Variants in RBM33 observed in about 807,000 individuals in gnomAD.
The protein encoded by RBM33 is RNA binding motif protein 33, also known as RNA-binding protein 33.
Under a neutral mutation model 132.6 loss-of-function variants are expected in RBM33, and 28 were observed. That is an observed-to-expected ratio of 0.21 (90% CI 0.16 to 0.29). The LOEUF is 0.29. Ranked by LOEUF, RBM33 falls within the 10% of genes least tolerant of loss-of-function variation. The probability of loss-of-function intolerance (pLI) is 1.00; values close to 1 mark genes in which losing one functional copy is unlikely to be tolerated. For missense variants in RBM33, 1,291 were observed against 1,518.5 expected (o/e 0.85, Z 2.49); for synonymous variants, 634 against 593.0 (o/e 1.07, Z -1.01).
intron 16 of RBM33, among the ~76,000 whole-genome samples, chr7:155,769,516 A>G (rs544285397): frequency 1.3e-5 from 2 of 152,250 alleles, no homozygotes; most frequent in Admixed American, 6.5e-5. Flanking sequence ...GGGGGTAGGC[A>G]TGGAAATGTA....
intron 14 of RBM33, 90 bp from the exon 15 acceptor site, chr7:155,763,722 A>T (rs1293554937): frequency 2.5e-5 from 30 of 1,208,406 alleles, no homozygotes; most frequent in Non-Finnish European, 3.4e-5. Flanking sequence ...TTTGTGGGTG[A>T]ACACTGGCTG....
intron 14 of RBM33, among the ~76,000 whole-genome samples, chr7:155,752,858 C>G (rs1801728856): frequency 6.6e-6 from 1 of 152,170 alleles, no homozygotes; most frequent in Non-Finnish European, 1.5e-5. Flanking sequence ...CCCACGCACA[C>G]TGGTTCGTCC....
At chr7:155,690,103 C>CT (rs1311646280) in intron 5 of RBM33, among the ~76,000 whole-genome samples, 2 of 152,138 alleles carry the variant, frequency 1.3e-5, no homozygotes, top group Admixed American at 6.5e-5. Flanking sequence ...GTGTGGGAGT[C>CT]TAAGTCTCTT....
At chr7:155,701,992 G>A (rs891309695) in intron 6 of RBM33, among the ~76,000 whole-genome samples, 1 of 152,080 alleles carries the variant, frequency 6.6e-6, no homozygotes, top group Non-Finnish European at 1.5e-5. Flanking sequence ...GGCCTAGAAA[G>A]TTGTATTTCT....
intron 1 of RBM33, among the ~76,000 whole-genome samples, chr7:155,658,923 T>C (rs1798567033): frequency 6.6e-6 from 1 of 152,246 alleles, no homozygotes; most frequent in African/African-American, 2.4e-5. Flanking sequence ...AAGCAGTTTC[T>C]CCTCAGCTTT....
chr7:155,754,577 C>T (rs762974182), intron 14 of RBM33, among the ~76,000 whole-genome samples: 10 of 152,288 alleles, frequency 6.6e-5, no homozygotes, highest in South Asian at 6.2e-4. Context: ...TTTGTGCTGT[C>T]GAAATTGGAG....
At chr7:155,766,056 C>T (rs1306594683) in intron 15 of RBM33, among the ~76,000 whole-genome samples, 1 of 152,150 alleles carries the variant, frequency 6.6e-6, no homozygotes, top group Admixed American at 6.5e-5. Flanking sequence ...GCAGGTCCTG[C>T]TTAAACCAGC....
At chr7:155,701,095 T>C (rs1799948924) in intron 6 of RBM33, 151 bp downstream of exon 6, 7 of 672,504 alleles carry the variant, frequency 1.0e-5, no homozygotes, top group Non-Finnish European at 1.9e-5. Flanking sequence ...TGAGTGCTGT[T>C]TATGGTACTG....
At chr7:155,738,533 A>C in intron 11 of RBM33, 130 bp downstream of exon 11, 1 of 917,256 alleles carries the variant, frequency 1.1e-6, no homozygotes, top group Non-Finnish European at 1.6e-6. Context: ...TTAGTCTCAA[A>C]TGTACTGTTT....
chr7:155,767,709 T>G (rs1030741999), intron 16 of RBM33, among the ~76,000 whole-genome samples: 1 of 152,234 alleles, frequency 6.6e-6, no homozygotes, highest in Non-Finnish European at 1.5e-5. Flanking sequence ...AATGGAAAGT[T>G]AACCCAAAGC....
rs889246152 is a variant in RBM33 at position 155,711,255 on chromosome 7, G to A, written c.1001G>A (p.Ser334Asn). The A allele has an allele frequency of 1.9e-6, 3 of 1,599,830 alleles. No homozygotes were observed. The highest frequency in any genetic ancestry group is 2.6e-6 in the Non-Finnish European group (3 of 1,173,942). ...CCGCCTCAGCAGCAGCCGATCAGAA[G>A]CCTGTTCCAGCCGCAGCCGCTGCAG... ...PPPPQQQPIR[S>N]LFQPQPLQPL... The change falls in exon 8 of 18, where the codon AGC becomes AAC. Residue 334 changes from serine to asparagine, a missense_variant. Ser to Asn is a conservative substitution (Grantham distance 46, BLOSUM62 1). Transcript: ENST00000401878.
rs1414433530 is a variant in RBM33, at chr7:155,780,690, G to A, written c.*5649G>A. ...ACCTCCTGGCTTCAACTGGGTGAGG[G>A]CCGTATTCCTGCCACTCTGCTCCGC... On this transcript the variant is annotated 3_prime_UTR_variant, in exon 18 of 18. Transcript: ENST00000401878. 2.0e-5 allele frequency: 3 copies of A among 152,356 alleles called. No homozygotes were observed. The highest frequency in any genetic ancestry group is 4.1e-4 in the South Asian group (2 of 4,832). 9.4% of individuals were successfully genotyped at this position (152,356 alleles called of 1,614,324 possible). A position where few individuals can be genotyped will look rare whatever the true frequency, so the allele number is the denominator to read the frequency against.
At chr7:155,677,283 A>G (rs1223085725) in intron 3 of RBM33, among the ~76,000 whole-genome samples, 3 of 147,912 alleles carry the variant, frequency 2.0e-5, no homozygotes, top group Admixed American at 1.4e-4. Context: ...GCATTGGCTC[A>G]CTGCAACCTC....
Position 155,739,986 on chromosome 7 carries a change from G to A in RBM33, c.2009G>A (p.Ser670Asn). ...CAGACCGCTCAGCCTCAGGCCAGCA[G>A]CAGCCGGATGCAGTGCCCCCAGCGC... ...HVQTAQPQAS[S>N]SRMQCPQRQG... is the part of the protein sequence containing the mutation. Residue 670 changes from serine to asparagine, a missense_variant, in exon 12 of 18, where the codon AGC becomes AAC. Coordinates refer to ENST00000401878, the MANE Select transcript of RBM33 (RefSeq NM_053043.3). 3 of 1,563,800 alleles carry A rather than the reference G, an allele frequency of 1.9e-6. No homozygotes were observed. The highest frequency in any genetic ancestry group is 2.6e-6 in the Non-Finnish European group (3 of 1,152,442).
At chr7:155,648,969 A>G (rs1238631716) in intron 1 of RBM33, among the ~76,000 whole-genome samples, 2 of 152,100 alleles carry the variant, frequency 1.3e-5, no homozygotes, top group Admixed American at 1.3e-4. Flanking sequence ...TGTGATCATA[A>G]TGTGTTTCTG....
At chr7:155,701,257 A>G (rs747134200) in intron 6 of RBM33, 67 of 458,826 alleles carry the variant, frequency 1.5e-4, no homozygotes, top group Non-Finnish European at 2.2e-4. Context: ...AAAAGGTGGC[A>G]TGGGGATGGT....
At chr7:155,679,044 C>T (rs746272532) in intron 4 of RBM33, among the ~76,000 whole-genome samples, 4 of 152,092 alleles carry the variant, frequency 2.6e-5, no homozygotes, top group Admixed American at 6.6e-5. Context: ...TAGTGGCCCG[C>T]GCCTATAGTC....
intron 2 of RBM33, among the ~76,000 whole-genome samples, chr7:155,669,855 C>T (rs566543043): frequency 2.4e-4 from 37 of 152,262 alleles, no homozygotes; most frequent in Non-Finnish European, 4.0e-4. Flanking sequence ...GCCGGTCTTT[C>T]TCCTCCTACT....
At chr7:155,760,152 A>T (rs112207308) in intron 14 of RBM33, among the ~76,000 whole-genome samples, 1 of 152,210 alleles carries the variant, frequency 6.6e-6, no homozygotes, top group South Asian at 2.1e-4. Context: ...TTCTGTGTGC[A>T]TGAGACATTT....
Sources: allele counts gnomAD v4.1 joint callset (sites outside exome capture counted in the v4.1 genomes callset), GRCh38; gene constraint gnomAD v4.1.1; transcripts MANE v1.5; gene names NCBI Gene and HGNC (gene_info 2026-07-23, HGNC 2026-07-21).